Variants in EED observed in about 807,000 individuals in gnomAD.
EED encodes the protein embryonic ectoderm development, also known as polycomb protein EED.
In EED, 9 loss-of-function variants were observed where a neutral mutation model predicts 61.0. That is an observed-to-expected ratio of 0.15 (90% CI 0.09 to 0.26). The LOEUF (loss-of-function observed/expected upper bound fraction) is 0.26, where lower values mean the gene tolerates loss of function less well. Among genes scored for constraint, EED ranks in the 10% least tolerant of loss-of-function variants. The pLI is 1.00. For missense variants in EED, 315 were observed against 542.3 expected (o/e 0.58, Z 4.16); for synonymous variants, 187 against 174.4 (o/e 1.07, Z -0.57).
chr11:86,254,191 A>T (rs1945610428), intron 3 of EED, among the ~76,000 whole-genome samples: 1 of 151,856 alleles, frequency 6.6e-6, no homozygotes, highest in Admixed American at 6.6e-5. Flanking sequence ...TGTGAAAGTT[A>T]ATGTTTGATT....
At chr11:86,282,791 G>A (rs11234601), downstream of EED, among the ~76,000 whole-genome samples, 35,508 of 152,056 alleles carry the variant, frequency 0.23, 5,226 homozygotes, top group Non-Finnish European at 0.32. Flanking sequence ...GAAAGCAGCC[G>A]TAGACAACTG....
intron 6 of EED, among the ~76,000 whole-genome samples, chr11:86,258,592 G>C (rs1355978183): frequency 5.2e-5 from 6 of 114,412 alleles, no homozygotes; most frequent in Non-Finnish European, 1.0e-4. Flanking sequence ...TTTCGCTCTT[G>C]TTGCGGAGGC....
rs563888569 is a variant in EED at position 86,258,555 on chromosome 11, GT to G, written c.634+976del. Among the ~76,000 whole-genome samples the G allele has an allele frequency of 3.1e-3, 401 of 130,854 alleles. 2 individuals carry two copies. The highest frequency in any genetic ancestry group is 3.8e-3 in the African/African-American group (136 of 35,532). 85.8% of individuals were successfully genotyped at this position (130,854 alleles called of 152,430 possible). ...TTTTTTCTCTTTTCTTTGTTTTTTG[GT>G]TTTTTTTTTTTTTTTTGAGACAAAG... On this transcript the variant is annotated intron_variant, in intron 6 of 11. Transcript: ENST00000263360.
At position 86,244,953 on chromosome 11, in the gene EED, G is replaced by A; in HGVS notation, c.-277G>A. On this transcript the variant is annotated 5_prime_UTR_variant, in exon 1 of 12. Coordinates refer to ENST00000263360, the MANE Select transcript of EED (RefSeq NM_003797.5). ...GGACCTTACATCGTGTAGACTGCCG[G>A]GAGGGCGGCGGGAAAAGGGCAAGAC... 1 of 381,284 alleles carries A rather than the reference G, an allele frequency of 2.6e-6. No homozygotes were observed. Among genetic ancestry groups the A allele is most frequent in the Non-Finnish European group, 4.7e-6 (1 of 211,598 alleles). The allele number at this position is 381,284 out of a possible 1,614,324, so 23.6% of individuals were successfully genotyped here. A position where few individuals can be genotyped will look rare whatever the true frequency, so the allele number is the denominator to read the frequency against.
At chr11:86,254,511 G>T (rs1201117102) in intron 3 of EED, among the ~76,000 whole-genome samples, 2 of 151,988 alleles carry the variant, frequency 1.3e-5, no homozygotes, top group Admixed American at 1.3e-4. Flanking sequence ...AGTAGAGACG[G>T]GGTTCCACCG....
chr11:86,285,151 G>A, the EED span, among the ~76,000 whole-genome samples: 7 of 152,250 alleles, frequency 4.6e-5, no homozygotes, highest in Middle Eastern at 3.4e-3. Flanking sequence ...TGGGCACGGT[G>A]GTTCATGCCT....
the EED span, among the ~76,000 whole-genome samples, chr11:86,286,769 G>A: frequency 2.5e-4 from 38 of 152,008 alleles, no homozygotes; most frequent in Non-Finnish European, 4.0e-4. Context: ...TCAGGAGATC[G>A]AGACTATCCT....
At chr11:86,277,808 G>A in intron 10 of EED, 110 bp from the exon 11 acceptor site, 2 of 1,035,674 alleles carry the variant, frequency 1.9e-6, no homozygotes, top group Non-Finnish European at 2.6e-6. Flanking sequence ...AGAGCACAGA[G>A]GCTGGAACTG....
At chr11:86,251,275 A>C (rs1945524014) in intron 2 of EED, among the ~76,000 whole-genome samples, 1 of 152,182 alleles carries the variant, frequency 6.6e-6, no homozygotes, top group African/African-American at 2.4e-5. Flanking sequence ...AAAGGAGAGA[A>C]ATTAATCTCA....
chr11:86,284,147 T>TATCC, the EED span: 1 of 152,264 alleles, frequency 6.6e-6, no homozygotes, highest in Non-Finnish European at 1.5e-5. Context: ...ATTGATGCCA[T>TATCC]ATCCCTGTTG....
intron 9 of EED, among the ~76,000 whole-genome samples, chr11:86,272,686 T>C (rs938463545): frequency 1.3e-5 from 2 of 152,232 alleles, no homozygotes; most frequent in Non-Finnish European, 2.9e-5. Context: ...ACATTTAGTA[T>C]TGCTATGTCT....
At chr11:86,263,941 G>T (rs1945909079) in intron 6 of EED, 1 of 494,444 alleles carries the variant, frequency 2.0e-6, no homozygotes, top group Non-Finnish European at 3.6e-6. Context: ...ATTGCATTGG[G>T]GATTGAGTTT....
intron 6 of EED, 144 bp downstream of exon 6, chr11:86,257,740 A>T (rs1290851955): frequency 9.8e-6 from 6 of 610,440 alleles, no homozygotes; most frequent in Non-Finnish European, 1.6e-5. Flanking sequence ...AAACTCACAA[A>T]AAAACACAAC....
downstream of EED, among the ~76,000 whole-genome samples, chr11:86,279,016 G>A (rs150213224): frequency 4.2e-4 from 64 of 152,248 alleles, 1 homozygote; most frequent in East Asian, 0.012. Flanking sequence ...CAAATGATTC[G>A]TTATGTGTGA....
At chr11:86,266,793 A>G (rs1945992023) in intron 8 of EED, among the ~76,000 whole-genome samples, 1 of 152,148 alleles carries the variant, frequency 6.6e-6, no homozygotes, top group South Asian at 2.1e-4. Context: ...TCAATTCTTA[A>G]TGCAGTAACT....
intron 1 of EED, among the ~76,000 whole-genome samples, chr11:86,247,255 C>T (rs182411721): frequency 3.3e-5 from 5 of 152,096 alleles, no homozygotes; most frequent in African/African-American, 1.2e-4. Flanking sequence ...TGTGTGTGTG[C>T]GTGCGCATGC....
intron 9 of EED, among the ~76,000 whole-genome samples, chr11:86,269,923 G>A (rs1219066301): frequency 1.3e-5 from 2 of 152,184 alleles, no homozygotes; most frequent in Non-Finnish European, 2.9e-5. Flanking sequence ...GTCATTTCCA[G>A]TTCTGGGCTA....
chr11:86,254,746 C>CT (rs1179220147), intron 3 of EED, among the ~76,000 whole-genome samples: 1 of 151,792 alleles, frequency 6.6e-6, no homozygotes, highest in African/African-American at 2.4e-5. Context: ...CCTCAGCCTC[C>CT]TGAGTAGCTG....
downstream of EED, among the ~76,000 whole-genome samples, chr11:86,280,739 G>T (rs183076839): frequency 1.3e-5 from 2 of 152,262 alleles, no homozygotes; most frequent in Non-Finnish European, 2.9e-5. Flanking sequence ...CCTTCACTTT[G>T]TTCCTCATCT....
Sources: allele counts gnomAD v4.1 joint callset (sites outside exome capture counted in the v4.1 genomes callset), GRCh38; gene constraint gnomAD v4.1.1; transcripts MANE v1.5; gene names NCBI Gene and HGNC (gene_info 2026-07-23, HGNC 2026-07-21).